GALNT10: variants seen among roughly 807,000 people sequenced by gnomAD.
GALNT10 encodes GalNAc transferase 10.
A neutral mutation model predicts 75.0 loss-of-function variants in GALNT10; 41 were observed. The observed-to-expected ratio is 0.55, with a 90% CI of 0.43 to 0.71. GALNT10 has a LOEUF of 0.71. Ranked by LOEUF, GALNT10 falls within the 30% of genes least tolerant of loss-of-function variation. The pLI is 0.00. For synonymous variants in GALNT10, 302 were observed against 313.0 expected, an observed-to-expected ratio of 0.96 and a Z score of 0.37; for missense variants, 727 against 818.5, an observed-to-expected ratio of 0.89 and a Z score of 1.36.
intron 4 of GALNT10, chr5:154,329,961 CAA>C (rs4032071): frequency 0.016 from 2,044 of 126,856 alleles, 46 homozygotes; most frequent in African/African-American, 0.05. Context: ...GTATTAACTG[CAA>C]AAAAAAAAAA....
chr5:154,415,942 G>C lies in GALNT10; in HGVS notation c.1653+10G>C, dbSNP rs1371655214. 12 of 1,612,712 alleles carry C rather than the reference G, an allele frequency of 7.4e-6. No homozygotes were observed. Among genetic ancestry groups the C allele is most frequent in the Non-Finnish European group, 1.0e-5 (12 of 1,178,990 alleles). ...GTGGAAATACCGCAAAGTAAGATGG[G>C]ATGCGGGGGGAGCAGGGCACCTGCT... is the stretch of plus-strand genomic sequence containing the variant. On this transcript the variant is annotated intron_variant, in intron 11 of 11. Coordinates refer to ENST00000297107, the MANE Select transcript of GALNT10 (RefSeq NM_198321.4).
chr5:154,243,132 C>T (rs2113669232), intron 1 of GALNT10, among the ~76,000 whole-genome samples: 1 of 152,128 alleles, frequency 6.6e-6, no homozygotes, highest in African/African-American at 2.4e-5. Flanking sequence ...TCAGCCCTCA[C>T]TTTATAAATA....
chr5:154,295,001 T>C, intron 2 of GALNT10, 83 bp downstream of exon 2: 2 of 724,358 alleles, frequency 2.8e-6, no homozygotes, highest in African/African-American at 1.8e-5. Context: ...TGTGTGTGTG[T>C]GTGTGTGTTC....
At chr5:154,244,681 A>G (rs767407118) in intron 1 of GALNT10, among the ~76,000 whole-genome samples, 4 of 152,226 alleles carry the variant, frequency 2.6e-5, no homozygotes, top group Non-Finnish European at 5.9e-5. Flanking sequence ...ACGTGAGCCC[A>G]GTAAAGGGGA....
In GALNT10 at chr5:154,190,849, C is replaced by CG. The variant is rs1305759193; in HGVS notation, c.-14dup. ...GCGCGGCGGGGCCGGCGGGGCGCGG[C>CG]GGGGCTGACCGGCCCCGATGAGGCG... On this transcript the variant is annotated 5_prime_UTR_variant, in exon 1 of 12. Transcript: ENST00000297107. The CG allele has an allele frequency of 1.7e-5, 21 of 1,204,928 alleles. No individual in the cohort carries two copies. Among genetic ancestry groups the CG allele is most frequent in the Non-Finnish European group, 2.2e-5 (21 of 965,780 alleles). 74.6% of individuals were successfully genotyped at this position (1,204,928 alleles called of 1,614,324 possible). A position where few individuals can be genotyped will look rare whatever the true frequency, so the allele number is the denominator to read the frequency against.
chr5:154,413,061 G>A lies in GALNT10; in HGVS notation c.1503+56G>A, dbSNP rs934241901. 7.9e-6 allele frequency: 9 copies of A among 1,140,900 alleles called. No homozygotes were observed. In the South Asian group the frequency reaches 1.0e-4, roughly 13 times the overall value. The allele number at this position is 1,140,900 out of a possible 1,614,324, so 70.7% of individuals were successfully genotyped here. On this transcript the variant is annotated intron_variant, in intron 10 of 11. Coordinates refer to ENST00000297107, the MANE Select transcript of GALNT10 (RefSeq NM_198321.4). ...AGGTTCTCTGAAACATCTGCAGCCT[G>A]GGGTGCTGACACGGCCAGCTGGGAG...
At chr5:154,340,511 A>G (rs1438044567) in intron 4 of GALNT10, among the ~76,000 whole-genome samples, 1 of 152,188 alleles carries the variant, frequency 6.6e-6, no homozygotes, top group African/African-American at 2.4e-5. Context: ...GACCTTTGAT[A>G]CATCTCTATA....
chr5:154,394,901 C>T (rs535593100), intron 7 of GALNT10, among the ~76,000 whole-genome samples: 1 of 152,312 alleles, frequency 6.6e-6, no homozygotes, highest in Non-Finnish European at 1.5e-5. Flanking sequence ...GCATTTTCGT[C>T]CTGGGGCCAC....
In GALNT10 at chr5:154,411,293, T is replaced by C. The variant is rs532573886; in HGVS notation, c.1386+1531T>C. ...TCATGTTCCTTTTGTGTTGGCCTCA[T>C]GCTGAAGGTATCAAAATGGCTTCCA... On this transcript the variant is annotated intron_variant, in intron 9 of 11. Coordinates refer to ENST00000297107, the MANE Select transcript of GALNT10 (RefSeq NM_198321.4). Among the ~76,000 whole-genome samples the C allele has an allele frequency of 1.4e-3, 206 of 152,332 alleles. 1 individual carries two copies. Among genetic ancestry groups the C allele is most frequent in the Admixed American group, 4.1e-3 (63 of 15,300 alleles).
At chr5:154,372,355 G>A (rs570002127) in intron 4 of GALNT10, among the ~76,000 whole-genome samples, 9 of 152,270 alleles carry the variant, frequency 5.9e-5, no homozygotes, top group African/African-American at 1.7e-4. Context: ...AGTGGGCACC[G>A]AAGAACTACA....
chr5:154,367,339 C>A (rs1449114444), intron 4 of GALNT10, among the ~76,000 whole-genome samples: 1 of 152,168 alleles, frequency 6.6e-6, no homozygotes, highest in Non-Finnish European at 1.5e-5. Flanking sequence ...GGTTTGAGAA[C>A]CTTTGCTGTG....
rs1331208954 is a variant in GALNT10 at position 154,298,490 on chromosome 5, C to T, written c.401+411C>T. 6.6e-6 allele frequency among the ~76,000 whole-genome samples: 1 copy of T among 152,118 alleles called. No homozygotes were observed. The highest frequency in any genetic ancestry group is 1.9e-4 in the East Asian group (1 of 5,194). On this transcript the variant is annotated intron_variant, in intron 3 of 11. Transcript: ENST00000297107. The surrounding 1 kb of genome is among the most constrained non-coding windows in gnomAD (Gnocchi z 4.1). ...CATCTCTAATCACATTGAGAGCAGA[C>T]ATATCAGAATGATTATAAAGATGAC...
At chr5:154,368,108 C>T (rs556942688) in intron 4 of GALNT10, among the ~76,000 whole-genome samples, 7 of 152,238 alleles carry the variant, frequency 4.6e-5, no homozygotes, top group African/African-American at 1.7e-4. Context: ...CTCAGTGGGC[C>T]CCACCCATCT....
chr5:154,258,838 A>G (rs569985783), intron 1 of GALNT10, among the ~76,000 whole-genome samples: 3 of 152,174 alleles, frequency 2.0e-5, no homozygotes, highest in Non-Finnish European at 2.9e-5. Flanking sequence ...TTAAAGGCCA[A>G]TCCAAACAAA....
At chr5:154,213,206 G>A (rs1011314500) in intron 1 of GALNT10, among the ~76,000 whole-genome samples, 5 of 152,188 alleles carry the variant, frequency 3.3e-5, no homozygotes, top group African/African-American at 9.7e-5. Flanking sequence ...CTCTCCTTGA[G>A]TTCTTTGCAT....
intron 1 of GALNT10, among the ~76,000 whole-genome samples, chr5:154,232,024 C>CG (rs1214630968): frequency 6.6e-6 from 1 of 152,120 alleles, no homozygotes. Flanking sequence ...CTCTGCCCTC[C>CG]GGGGGGAGAG....
At chr5:154,286,639 T>C (rs2431683) in intron 1 of GALNT10, among the ~76,000 whole-genome samples, 1,846 of 152,304 alleles carry the variant, frequency 0.012, 39 homozygotes, top group East Asian at 0.094. Flanking sequence ...GGAGGGTTGA[T>C]ATGGTTCTGC....
rs563405059 is a variant in GALNT10 at position 154,252,480 on chromosome 5, G to A, written c.160-42336G>A. ...TGTTGTTCACTTTTTCTTTCCTTGC[G>A]TATCTTGTTGTTCTAGTTTCTTCTG... On this transcript the variant is annotated intron_variant, in intron 1 of 11. Transcript: ENST00000297107. Among the ~76,000 whole-genome samples, 80 of 152,030 alleles carry A rather than the reference G, an allele frequency of 5.3e-4. 1 individual carries two copies. The South Asian group carries it at 0.013, about 25-fold the overall frequency.
intron 7 of GALNT10, among the ~76,000 whole-genome samples, chr5:154,400,012 C>G (rs1756124972): frequency 6.6e-6 from 1 of 152,106 alleles, no homozygotes; most frequent in African/African-American, 2.4e-5. Flanking sequence ...GTGGCACACA[C>G]CTGTGGCCCC....
Sources: allele counts gnomAD v4.1 joint callset (sites outside exome capture counted in the v4.1 genomes callset), GRCh38; gene constraint gnomAD v4.1.1; non-coding constraint Gnocchi (gnomAD v3.1); transcripts MANE v1.5; gene names NCBI Gene and HGNC (gene_info 2026-07-23, HGNC 2026-07-21).